RTF2: variants seen among roughly 807,000 people sequenced by gnomAD.
RTF2 encodes replication termination factor 2.
RTF2 carries 18 observed loss-of-function variants against 38.0 expected under a neutral mutation model. The ratio of observed to expected loss-of-function variants is 0.47; its 90% CI spans 0.33 to 0.70. The LOEUF (loss-of-function observed/expected upper bound fraction) is 0.70. Ranked by LOEUF, RTF2 falls within the 30% of genes least tolerant of loss-of-function variation. RTF2 has a pLI of 0.02. For synonymous variants in RTF2, 126 were observed against 137.1 expected (o/e 0.92, Z 0.57); for missense variants, 311 against 379.6 (o/e 0.82, Z 1.50).
At chr20:56,500,511 G>A (rs186240121) in intron 5 of RTF2, among the ~76,000 whole-genome samples, 2 of 152,324 alleles carry the variant, frequency 1.3e-5, no homozygotes, top group Admixed American at 1.3e-4. Context: ...ATAATTAAAT[G>A]AAGAGAGGCC....
intron 5 of RTF2, chr20:56,491,493 G>T: frequency 9.9e-7 from 1 of 1,014,048 alleles, no homozygotes; most frequent in Non-Finnish European, 1.5e-6. Flanking sequence ...CACTTCTTTG[G>T]TTCAATGTTC....
chr20:56,488,079 G>A (rs1982888014), intron 5 of RTF2, among the ~76,000 whole-genome samples: 1 of 152,142 alleles, frequency 6.6e-6, no homozygotes, highest in Non-Finnish European at 1.5e-5. Flanking sequence ...TAGAGCGTGG[G>A]GCCAGACATG....
intron 6 of RTF2, 71 bp from the exon 7 acceptor site, chr20:56,516,864 T>G (rs1389835411): frequency 7.0e-7 from 1 of 1,429,690 alleles, no homozygotes; most frequent in Non-Finnish European, 9.9e-7. Flanking sequence ...CCCGGGACAA[T>G]GGGCAGCCAC....
chr20:56,482,481 G>A lies in RTF2; in HGVS notation c.399-1630G>A, dbSNP rs185996008. 7.2e-5 allele frequency among the ~76,000 whole-genome samples: 11 copies of A among 152,252 alleles called. No homozygotes were observed. The East Asian group carries it at 1.5e-3, about 21-fold the overall frequency. On this transcript the variant is annotated intron_variant, in intron 4 of 8. Transcript: ENST00000357348. The stretch of plus-strand genomic sequence containing the variant: ...CCGGTTTGGTTGAATTGATAGATGC[G>A]GAACGCATGGATATAGAGGATATAG...
chr20:56,492,266 C>T (rs142132317), intron 5 of RTF2, among the ~76,000 whole-genome samples: 1,736 of 151,522 alleles, frequency 0.011, 12 homozygotes, highest in Middle Eastern at 0.041. Context: ...TTTATAGAAA[C>T]GGGATTTCGC....
intron 6 of RTF2, chr20:56,515,625 C>G (rs1984994902): frequency 1.4e-5 from 2 of 142,868 alleles, no homozygotes; most frequent in African/African-American, 5.3e-5. Context: ...CACACACACA[C>G]ACACACACAC....
At chr20:56,496,867 G>T in intron 5 of RTF2, 2 of 1,551,710 alleles carry the variant, frequency 1.3e-6, no homozygotes, top group South Asian at 2.4e-5. Flanking sequence ...AATTCGAGAT[G>T]ACTTTGACTT....
At chr20:56,470,763 A>G (rs1373925955) in intron 1 of RTF2, 5 of 433,048 alleles carry the variant, frequency 1.2e-5, no homozygotes, top group Admixed American at 7.5e-5. Context: ...TGGGGTCTCC[A>G]TAAAGATCCC....
intron 4 of RTF2, among the ~76,000 whole-genome samples, chr20:56,481,593 GTA>G (rs1210436205): frequency 1.3e-5 from 2 of 152,010 alleles, no homozygotes; most frequent in African/African-American, 4.8e-5. Flanking sequence ...ATATGTGTGT[GTA>G]TGTGTGTGTG....
chr20:56,503,405 G>T (rs1316886035), intron 5 of RTF2, among the ~76,000 whole-genome samples: 1 of 152,160 alleles, frequency 6.6e-6, no homozygotes, highest in East Asian at 1.9e-4. Context: ...AAACATTCTA[G>T]TTTACAAAAT....
At chr20:56,504,884 C>G (rs149559765) in intron 5 of RTF2, among the ~76,000 whole-genome samples, 11 of 152,224 alleles carry the variant, frequency 7.2e-5, no homozygotes, top group African/African-American at 2.7e-4. Flanking sequence ...CATGGGGTGC[C>G]TCTGAGACAC....
intron 5 of RTF2, among the ~76,000 whole-genome samples, chr20:56,506,211 T>G (rs1240744124): frequency 6.6e-6 from 1 of 152,178 alleles, no homozygotes; most frequent in Non-Finnish European, 1.5e-5. Flanking sequence ...CCATGGAACA[T>G]GAAGACAAAA....
intron 5 of RTF2, 90 bp downstream of exon 5, chr20:56,484,279 AAATC>A (rs1410694505): frequency 9.0e-7 from 1 of 1,114,644 alleles, no homozygotes; most frequent in East Asian, 2.4e-5. Context: ...GTTCTTTCTG[AAATC>A]AGCTCTCATA....
intron 1 of RTF2, chr20:56,470,797 T>A (rs905241030): frequency 1.0e-5 from 4 of 392,126 alleles, no homozygotes; most frequent in Admixed American, 2.9e-5. Context: ...TTGGAGATTT[T>A]CTGGGTTGCC....
At chr20:56,487,731 G>A (rs569978727) in intron 5 of RTF2, among the ~76,000 whole-genome samples, 1 of 152,362 alleles carries the variant, frequency 6.6e-6, no homozygotes, top group African/African-American at 2.4e-5. Flanking sequence ...TAGTTCTGGA[G>A]ACTAACGTCC....
At chr20:56,497,572 C>G (rs1346393505) in intron 5 of RTF2, 1 of 1,352,800 alleles carries the variant, frequency 7.4e-7, no homozygotes, top group Non-Finnish European at 9.8e-7. Context: ...ACTGCCCTCA[C>G]GACAAGTCCA....
rs549510399 is a variant in RTF2 at position 56,517,442 on chromosome 20, G to A, written c.742+241G>A. Among the ~76,000 whole-genome samples, 17 of 152,122 alleles carry A rather than the reference G, an allele frequency of 1.1e-4. No homozygotes were observed. In the South Asian group the frequency reaches 1.5e-3, roughly 13 times the overall value. On this transcript the variant is annotated intron_variant, in intron 8 of 8. Coordinates refer to ENST00000357348, the MANE Select transcript of RTF2 (RefSeq NM_016407.5). ...AATGCTGGTTGTTTAGATTCCTGTC[G>A]AGTAAGTGCTTGGTGCCAAGCAAAA...
At chr20:56,473,220 T>C in intron 1 of RTF2, 81 bp from the exon 2 acceptor site, 2 of 1,020,454 alleles carry the variant, frequency 2.0e-6, no homozygotes, top group Non-Finnish European at 3.1e-6. Context: ...GCGGTATTAC[T>C]GAATATACTT....
intron 5 of RTF2, among the ~76,000 whole-genome samples, chr20:56,489,781 T>C (rs1983001337): frequency 6.6e-6 from 1 of 152,228 alleles, no homozygotes; most frequent in South Asian, 2.1e-4. Flanking sequence ...AGATGTAATC[T>C]TTTTTATTGT....
Sources: gnomAD v4.1 joint callset for allele counts (sites outside exome capture counted in the v4.1 genomes callset) on GRCh38, gnomAD v4.1.1 for gene constraint, MANE v1.5 for transcripts, NCBI Gene and HGNC (gene_info 2026-07-23, HGNC 2026-07-21) for gene names.